The following ADCY2 variants were observed in gnomAD, a reference collection of about 807,000 sequenced individuals.
ADCY2 encodes the protein adenylate cyclase 2.
ADCY2 carries 31 observed loss-of-function variants against 125.2 expected under a neutral mutation model. That is an observed-to-expected ratio of 0.25 (90% CI 0.19 to 0.33). The LOEUF (loss-of-function observed/expected upper bound fraction) is 0.33, where lower values mean the gene tolerates loss of function less well. ADCY2 is among the 10% of genes least tolerant of loss of function. ADCY2 has a pLI of 1.00. For missense variants in ADCY2, 904 were observed against 1,418.2 expected (o/e 0.64, Z 5.82); for synonymous variants, 512 against 548.4 (o/e 0.93, Z 0.93).
chr5:7,518,323 G>A lies in ADCY2; in HGVS notation c.409-2415G>A, dbSNP rs538996015. Among the ~76,000 whole-genome samples, 5 of 152,208 alleles carry A rather than the reference G, an allele frequency of 3.3e-5. No individual in the cohort carries two copies. The East Asian group carries it at 9.7e-4, about 29-fold the overall frequency. ...GAGGGAGGTGCCCCAGCCTGCCTGT[G>A]TAGATAGAGCATCGCTTACTACAGG... On this transcript the variant is annotated intron_variant, in intron 2 of 24. Transcript: ENST00000338316.
In ADCY2 at chr5:7,561,430, T is replaced by C. The variant is rs56405930; in HGVS notation, c.570+40531T>C. Among the ~76,000 whole-genome samples, 5 of 152,292 alleles carry C rather than the reference T, an allele frequency of 3.3e-5. No homozygotes were observed. In the South Asian group the frequency reaches 8.3e-4, roughly 25 times the overall value. On this transcript the variant is annotated intron_variant, in intron 3 of 24. Transcript: ENST00000338316. ...GCTGTAGGCAGTTGTAACACAATGG[T>C]AAGCGTTTGGGTATCTAATCATAGA...
chr5:7,721,340 T>G (rs564495705), intron 12 of ADCY2, among the ~76,000 whole-genome samples: 1 of 152,380 alleles, frequency 6.6e-6, no homozygotes, highest in South Asian at 2.1e-4. Flanking sequence ...TCTCCCATTC[T>G]GTAGGTTGCC....
At chr5:7,626,399 A>T (rs887540221) in intron 4 of ADCY2, 83 bp downstream of exon 4, 2 of 1,468,752 alleles carry the variant, frequency 1.4e-6, no homozygotes, top group African/African-American at 2.8e-5. Context: ...AGTGTCGTTC[A>T]TTCATTCATG....
At chr5:7,683,229 C>G (rs1213170077) in intron 4 of ADCY2, among the ~76,000 whole-genome samples, 1 of 152,182 alleles carries the variant, frequency 6.6e-6, no homozygotes, top group African/African-American at 2.4e-5. Context: ...GAGGGGCTTT[C>G]CAGAGCTTTT....
In ADCY2 at chr5:7,766,811, G is replaced by A; in HGVS notation, c.2214+5G>A. The A allele has an allele frequency of 6.2e-7, 1 of 1,608,550 alleles. No individual in the cohort carries two copies. Among genetic ancestry groups the A allele is most frequent in the Non-Finnish European group, 8.5e-7 (1 of 1,178,660 alleles). ...CAGAATTTATTTTTCCTCCCGGTAA[G>A]AACATTGCAATTATGACTGCTTTGG... On this transcript the variant is annotated splice_donor_5th_base_variant and intron_variant, in intron 17 of 24. Transcript: ENST00000338316.
In ADCY2 at chr5:7,490,898, A is replaced by C. The variant is rs1743138924; in HGVS notation, c.409-29840A>C. On this transcript the variant is annotated intron_variant, in intron 2 of 24. Transcript: ENST00000338316. ...TGTCTGTTAAATAATGGTGTCATTT[A>C]ATATGATACAAGTAAGAAATAGAAA... Among the ~76,000 whole-genome samples the C allele has an allele frequency of 2.0e-5, 3 of 152,226 alleles. No individual in the cohort carries two copies. In the South Asian group the frequency reaches 6.2e-4, roughly 32 times the overall value.
chr5:7,812,422 G>A (rs1029590630), intron 22 of ADCY2, among the ~76,000 whole-genome samples: 9 of 152,158 alleles, frequency 5.9e-5, no homozygotes, highest in African/African-American at 1.2e-4. Context: ...TGTTAAAGCT[G>A]TAAGTAAGAG....
intron 3 of ADCY2, among the ~76,000 whole-genome samples, chr5:7,623,633 G>A (rs1231649012): frequency 6.6e-6 from 1 of 152,116 alleles, no homozygotes; most frequent in Non-Finnish European, 1.5e-5. Flanking sequence ...ATCAAAGTAT[G>A]GCAATAAGAA....
intron 3 of ADCY2, among the ~76,000 whole-genome samples, chr5:7,598,450 A>G (rs1328539329): frequency 3.3e-5 from 5 of 152,244 alleles, no homozygotes; most frequent in Non-Finnish European, 1.5e-5. Flanking sequence ...TACCAGTAAC[A>G]TAATCCCCTT....
At chr5:7,763,499 C>T (rs1408003089) in intron 16 of ADCY2, among the ~76,000 whole-genome samples, 1 of 152,122 alleles carries the variant, frequency 6.6e-6, no homozygotes, top group Non-Finnish European at 1.5e-5. Flanking sequence ...TGTTGCGCGA[C>T]CATCACTACC....
intron 11 of ADCY2, among the ~76,000 whole-genome samples, chr5:7,714,286 A>G (rs1741529016): frequency 6.6e-6 from 1 of 152,158 alleles, no homozygotes; most frequent in African/African-American, 2.4e-5. Context: ...CTTTATATTC[A>G]TAGTCTCTTC....
rs191590434 is a variant in ADCY2 at position 7,469,397 on chromosome 5, T to C, written c.409-51341T>C. ...TAATCTTAATAATATTCTTCTGACA[T>C]GAATGGCTCTATCCTATTTGTCATA... is the stretch of plus-strand genomic sequence containing the variant. On this transcript the variant is annotated intron_variant, in intron 2 of 24. Transcript: ENST00000338316. Among the ~76,000 whole-genome samples, 78 of 152,142 alleles carry C rather than the reference T, an allele frequency of 5.1e-4. No individual in the cohort carries two copies. In the East Asian group the frequency reaches 0.012, roughly 24 times the overall value.
At chr5:7,533,346 A>G (rs937993565) in intron 3 of ADCY2, among the ~76,000 whole-genome samples, 2 of 151,662 alleles carry the variant, frequency 1.3e-5, no homozygotes, top group South Asian at 4.2e-4. Context: ...TTAGTTTCTT[A>G]TTTTTGGGAT....
intron 17 of ADCY2, 111 bp downstream of exon 17, chr5:7,766,917 G>A (rs1743400702): frequency 1.9e-5 from 26 of 1,345,952 alleles, no homozygotes; most frequent in Non-Finnish European, 2.6e-5. Flanking sequence ...TTTCCTCTCT[G>A]GTATCAATCC....
chr5:7,483,972 A>T lies in ADCY2; in HGVS notation c.409-36766A>T, dbSNP rs572047970. On this transcript the variant is annotated intron_variant, in intron 2 of 24. Transcript: ENST00000338316. ...GAAAATCTTATGTTATTGAGCTCCGATTGATACTATCTCATCATCAGTTAA... is the reference window on the plus strand; with the variant it reads ...GAAAATCTTATGTTATTGAGCTCCGTTTGATACTATCTCATCATCAGTTAA... Among the ~76,000 whole-genome samples, 26 of 152,300 alleles carry T rather than the reference A, an allele frequency of 1.7e-4. 1 individual carries two copies. In the South Asian group the frequency reaches 5.4e-3, roughly 32 times the overall value.
chr5:7,655,540 C>T (rs900960709), intron 4 of ADCY2, among the ~76,000 whole-genome samples: 1 of 152,188 alleles, frequency 6.6e-6, no homozygotes, highest in Non-Finnish European at 1.5e-5. Context: ...CTCCTTCCTC[C>T]ACCTTTTGTT....
chr5:7,459,506 T>A (rs927145313), intron 2 of ADCY2, among the ~76,000 whole-genome samples: 1 of 152,196 alleles, frequency 6.6e-6, no homozygotes, highest in Non-Finnish European at 1.5e-5. Flanking sequence ...TTCCTAGTAA[T>A]TCGCCTCCAA....
chr5:7,666,039 C>A (rs1195319130), intron 4 of ADCY2, among the ~76,000 whole-genome samples: 7 of 150,940 alleles, frequency 4.6e-5, no homozygotes, highest in South Asian at 2.1e-4. Context: ...AGGGTTTCAC[C>A]ATGTTAGCCA....
At chr5:7,497,991 T>G (rs1419996278) in intron 2 of ADCY2, among the ~76,000 whole-genome samples, 6 of 152,074 alleles carry the variant, frequency 3.9e-5, no homozygotes, top group Non-Finnish European at 8.8e-5. Context: ...TGGGTGAACA[T>G]TTACAGTGTT....
Sources: gnomAD v4.1 joint callset for allele counts (sites outside exome capture counted in the v4.1 genomes callset) on GRCh38, gnomAD v4.1.1 for gene constraint, MANE v1.5 for transcripts, NCBI Gene and HGNC (gene_info 2026-07-23, HGNC 2026-07-21) for gene names.